Variants in RELN observed in about 807,000 individuals in gnomAD.
RELN encodes reelin.
RELN carries 108 observed loss-of-function variants against 427.6 expected under a neutral mutation model. The ratio of observed to expected loss-of-function variants is 0.25; its 90% CI spans 0.22 to 0.30. The LOEUF (loss-of-function observed/expected upper bound fraction) is 0.30. RELN is among the 10% of genes least tolerant of loss of function. The pLI is 1.00. For missense variants in RELN, 3,715 were observed against 4,302.8 expected, an observed-to-expected ratio of 0.86 and a Z score of 3.82; for synonymous variants, 1,524 against 1,513.4, an observed-to-expected ratio of 1.01 and a Z score of -0.16.
chr7:103,807,278 C>T (rs139905002), intron 3 of RELN, among the ~76,000 whole-genome samples: 19 of 152,198 alleles, frequency 1.2e-4, no homozygotes, highest in African/African-American at 4.3e-4. Context: ...GGGAAGCCAA[C>T]AGATAAGTTG....
In RELN at chr7:103,796,829, G is replaced by C. The variant is rs576129358; in HGVS notation, c.474-20202C>G. Among the ~76,000 whole-genome samples, 641 of 135,086 alleles carry C rather than the reference G, an allele frequency of 4.7e-3. 11 individuals are homozygous for C. The highest frequency in any genetic ancestry group is 0.017 in the African/African-American group (613 of 36,286). The allele number at this position is 135,086 out of a possible 152,430, so 88.6% of individuals were successfully genotyped here. A position where few individuals can be genotyped will look rare whatever the true frequency, so the allele number is the denominator to read the frequency against. On this transcript the variant is annotated intron_variant, in intron 3 of 64. Transcript: ENST00000428762. ...TGAGCCAAGATTGCCCCGCTGCACT[G>C]CAGCCCAGCCCAGGCAACAGGGCAA...
chr7:103,815,193 A>G (rs1792840703), intron 3 of RELN, among the ~76,000 whole-genome samples: 1 of 150,666 alleles, frequency 6.6e-6, no homozygotes, highest in Non-Finnish European at 1.5e-5. Flanking sequence ...TTCTTGAGTC[A>G]ATTTTGCTAT....
chr7:103,980,805 CTTTT>C lies in RELN; in HGVS notation c.226+8322_226+8325del, dbSNP rs367920430. Reference sequence around the variant, plus strand: ...ATTCATTCAGGAGTCTTTGAGTTGCCTTTTTTTTCAGGTAATATTAGTGCTTGAA... The same window carrying C: ...ATTCATTCAGGAGTCTTTGAGTTGCCTTTTCAGGTAATATTAGTGCTTGAA... On this transcript the variant is annotated intron_variant, in intron 1 of 64. Transcript: ENST00000428762. Among the ~76,000 whole-genome samples the C allele has an allele frequency of 7.7e-3, 1,173 of 152,022 alleles. 15 individuals are homozygous for C. The highest frequency in any genetic ancestry group is 0.026 in the African/African-American group (1,086 of 41,454).
intron 57 of RELN, 95 bp downstream of exon 57, chr7:103,495,628 A>G: frequency 8.6e-7 from 1 of 1,161,202 alleles, no homozygotes; most frequent in East Asian, 2.3e-5. Context: ...AATGAATAAT[A>G]TCAGTCATTT....
intron 1 of RELN, among the ~76,000 whole-genome samples, chr7:103,945,597 C>T (rs757547323): frequency 7.2e-5 from 11 of 152,114 alleles, no homozygotes; most frequent in African/African-American, 1.2e-4. Context: ...CCCTAATCCC[C>T]GTAACCAGGT....
chr7:103,835,520 G>T (rs1213861033), intron 2 of RELN, among the ~76,000 whole-genome samples: 1 of 152,262 alleles, frequency 6.6e-6, no homozygotes, highest in South Asian at 2.1e-4. Context: ...GGATGTTGAC[G>T]GTAGGGGAGG....
At chr7:103,692,472 A>G (rs1034913607) in intron 10 of RELN, among the ~76,000 whole-genome samples, 2 of 152,080 alleles carry the variant, frequency 1.3e-5, no homozygotes, top group African/African-American at 4.8e-5. Context: ...CTGGAGGATT[A>G]AGGATCTGAA....
chr7:103,795,097 T>C (rs542345315), intron 3 of RELN, among the ~76,000 whole-genome samples: 64 of 152,358 alleles, frequency 4.2e-4, no homozygotes, highest in Admixed American at 1.2e-3. Context: ...TAATTATATA[T>C]AATATTCCCT....
intron 1 of RELN, among the ~76,000 whole-genome samples, chr7:103,963,947 G>A (rs1445018913): frequency 6.6e-6 from 1 of 152,110 alleles, no homozygotes; most frequent in African/African-American, 2.4e-5. Context: ...AGGACAGCTT[G>A]AGGCCAGGAC....
chr7:103,682,851 G>C (rs1833684285), intron 10 of RELN, among the ~76,000 whole-genome samples: 1 of 151,906 alleles, frequency 6.6e-6, no homozygotes, highest in South Asian at 2.1e-4. Context: ...TGAGGAACTG[G>C]GAAACTATGA....
intron 3 of RELN, among the ~76,000 whole-genome samples, chr7:103,789,083 A>G (rs550600332): frequency 1.3e-5 from 2 of 152,326 alleles, no homozygotes; most frequent in South Asian, 4.1e-4. Flanking sequence ...AAAACGAGCA[A>G]TGGGGAAAGG....
At chr7:103,566,883 GTAACT>G in intron 31 of RELN, 124 bp from the exon 32 acceptor site, 2 of 911,668 alleles carry the variant, frequency 2.2e-6, no homozygotes, top group Admixed American at 1.8e-5. Context: ...GCACATTTGT[GTAACT>G]TCCAAGGAAT....
intron 48 of RELN, among the ~76,000 whole-genome samples, chr7:103,520,954 G>GTTTTTTTTTTTTTTTTTTTTTTT (rs1462369530): frequency 2.6e-5 from 2 of 78,190 alleles, no homozygotes; most frequent in African/African-American, 5.0e-5. Flanking sequence ...CAGTAAATTT[G>GTTTTTTTTTTTTTTTTTTTTTTT]TTATTTTTTT....
chr7:103,541,181 G>A (rs112443469), intron 43 of RELN, among the ~76,000 whole-genome samples: 7 of 152,272 alleles, frequency 4.6e-5, no homozygotes, highest in South Asian at 2.1e-4. Flanking sequence ...CAGTGGCAGC[G>A]TTCCCAGCTG....
chr7:103,883,237 C>G (rs1322077195), intron 2 of RELN, among the ~76,000 whole-genome samples: 1 of 152,114 alleles, frequency 6.6e-6, no homozygotes, highest in Non-Finnish European at 1.5e-5. Context: ...AATTCACCAC[C>G]CCTTAATGCT....
chr7:103,848,635 T>C (rs1793739667), intron 2 of RELN, among the ~76,000 whole-genome samples: 1 of 152,184 alleles, frequency 6.6e-6, no homozygotes, highest in Non-Finnish European at 1.5e-5. Flanking sequence ...CTGAGTCTGA[T>C]AGGTGTAAAC....
intron 3 of RELN, among the ~76,000 whole-genome samples, chr7:103,804,827 AT>A (rs1563023465): frequency 6.6e-6 from 1 of 152,132 alleles, no homozygotes; most frequent in African/African-American, 2.4e-5. Context: ...GCTTTTTGCA[AT>A]GTATTTTCTC....
rs1027113657 is a variant in RELN, at chr7:103,988,313, C to T, written c.226+818G>A. 6.6e-6 allele frequency among the ~76,000 whole-genome samples: 1 copy of T among 152,124 alleles called. No homozygotes were observed. The highest frequency in any genetic ancestry group is 1.5e-5 in the Non-Finnish European group (1 of 67,998). ...TATTTCTTGGAGCTAAATTTTATTT[C>T]TTCTGTAATGTTTATTTTTGATGCA... is the stretch of plus-strand genomic sequence containing the variant. On this transcript the variant is annotated intron_variant, in intron 1 of 64. Coordinates refer to ENST00000428762, the MANE Select transcript of RELN (RefSeq NM_005045.4). This position sits in a 1 kb window ranked among gnomAD's most constrained non-coding sequence, Gnocchi z 4.9.
At chr7:103,502,951 C>A in intron 52 of RELN, 65 bp downstream of exon 52, 2 of 1,311,504 alleles carry the variant, frequency 1.5e-6, no homozygotes, top group East Asian at 2.3e-5. Flanking sequence ...GGCATGACAA[C>A]AGTGTACCTA....
Sources: gnomAD v4.1 joint callset for allele counts (sites outside exome capture counted in the v4.1 genomes callset) on GRCh38, gnomAD v4.1.1 for gene constraint, Gnocchi (gnomAD v3.1) non-coding constraint, MANE v1.5 for transcripts, NCBI Gene and HGNC (gene_info 2026-07-23, HGNC 2026-07-21) for gene names.